Variants in MECR observed in about 807,000 individuals in gnomAD.
The protein encoded by MECR is enoyl-[acyl-carrier-protein] reductase, mitochondrial.
In MECR, 37 loss-of-function variants were observed where a neutral mutation model predicts 49.1. The observed-to-expected ratio is 0.75, with a 90% CI of 0.58 to 0.99. MECR has a LOEUF of 0.99. Among genes scored for constraint, MECR ranks in the 50% least tolerant of loss-of-function variants. The probability of loss-of-function intolerance (pLI) is 0.00; values close to 1 mark genes in which losing one functional copy is unlikely to be tolerated. For missense variants in MECR, 470 were observed against 479.6 expected (o/e 0.98, Z 0.19); for synonymous variants, 198 against 191.1 (o/e 1.04, Z -0.30).
chr1:29,178,095 T>G, the MECR span, among the ~76,000 whole-genome samples: 1 of 151,808 alleles, frequency 6.6e-6, no homozygotes, highest in Admixed American at 6.6e-5. Flanking sequence ...AGATGGGGTT[T>G]CACCATGTTG....
At position 29,209,519 on chromosome 1, in the gene MECR, G is replaced by A. The variant is rs960882741; in HGVS notation, c.407-2614C>T. On this transcript the variant is annotated intron_variant, in intron 3 of 9. Transcript: ENST00000263702. ...CAGCGTGGAAGCCAGAGGTCTTTGT[G>A]GGGGTCGAGGTATGAGATGATGGCT... 2.0e-5 allele frequency among the ~76,000 whole-genome samples: 3 copies of A among 152,286 alleles called. No homozygotes were observed. In the East Asian group the frequency reaches 5.8e-4, roughly 29 times the overall value.
intron 1 of MECR, among the ~76,000 whole-genome samples, chr1:29,229,430 C>T (rs1226634320): frequency 6.6e-6 from 1 of 152,170 alleles, no homozygotes. Context: ...GTCTAGAACT[C>T]GTGACCTCAG....
the MECR span, among the ~76,000 whole-genome samples, chr1:29,178,353 C>CTTCTTTCTTTTTTTTT: frequency 7.8e-6 from 1 of 127,888 alleles, no homozygotes; most frequent in Non-Finnish European, 1.6e-5. Flanking sequence ...GTTTCAATTA[C>CTTCTTTCTTTTTTTTT]TTTTTTTTTT....
At chr1:29,195,544 A>C (rs1362567887) in intron 9 of MECR, among the ~76,000 whole-genome samples, 3 of 152,230 alleles carry the variant, frequency 2.0e-5, no homozygotes, top group Non-Finnish European at 4.4e-5. Flanking sequence ...ACAAGAGTTT[A>C]AACTTAGGAC....
the MECR span, chr1:29,181,873 C>A: frequency 2.8e-6 from 2 of 708,184 alleles, no homozygotes; most frequent in African/African-American, 3.8e-5. Context: ...CGGACGCAGC[C>A]GAACCCCGGC....
intron 7 of MECR, 116 bp downstream of exon 7, chr1:29,200,400 T>C (rs886238940): frequency 2.2e-6 from 2 of 903,250 alleles, no homozygotes; most frequent in African/African-American, 1.7e-5. Context: ...CCACTCAACA[T>C]TGTGCTGACC....
At chr1:29,225,291 C>T (rs756193332) in intron 1 of MECR, among the ~76,000 whole-genome samples, 51 of 152,240 alleles carry the variant, frequency 3.3e-4, no homozygotes, top group Non-Finnish European at 5.4e-4. Flanking sequence ...GTTTTCTCTT[C>T]CCTCGGGGTC....
At chr1:29,168,008 A>AT in the MECR span, among the ~76,000 whole-genome samples, 1 of 129,538 alleles carries the variant, frequency 7.7e-6, no homozygotes, top group Admixed American at 8.9e-5. Flanking sequence ...CAAGGTTCTA[A>AT]TTCCTTTTTT....
intron 3 of MECR, 41 bp from the exon 4 acceptor site, chr1:29,206,946 C>T: frequency 1.9e-6 from 3 of 1,610,142 alleles, no homozygotes; most frequent in Non-Finnish European, 2.5e-6. Flanking sequence ...GGAAGGAGCC[C>T]TGTGCACATT....
chr1:29,169,467 C>A, the MECR span: 3 of 152,188 alleles, frequency 2.0e-5, no homozygotes, highest in Admixed American at 6.6e-5. Context: ...CAAGAAAACA[C>A]CATTTCTGCA....
At chr1:29,230,303 A>G (rs1313355034) in intron 1 of MECR, 2 of 180,006 alleles carry the variant, frequency 1.1e-5, no homozygotes, top group African/African-American at 4.8e-5. Context: ...TAATAGTAAG[A>G]ACTCACGCAG....
In MECR at chr1:29,206,877, G is replaced by A. The variant is rs761036816; in HGVS notation, c.435C>T (p.Ser145=). ...LGTWRTEAVF[S]EEALIQVPSD... The stretch of plus-strand genomic sequence containing the variant: ...TCGGAACTTGGATCAGTGCTTCCTC[G>A]CTGAACACAGCCTCGGTCCGCCAGG... The change falls in exon 4 of 10, where the codon AGC becomes AGT. Residue 145 remains serine, a synonymous_variant. Coordinates refer to ENST00000263702, the MANE Select transcript of MECR (RefSeq NM_016011.5). The A allele has an allele frequency of 4.3e-6, 7 of 1,613,988 alleles. No homozygotes were observed. The highest frequency in any genetic ancestry group is 2.2e-5 in the South Asian group (2 of 91,082).
chr1:29,202,539 T>C (rs942536150), intron 5 of MECR, among the ~76,000 whole-genome samples: 1 of 152,178 alleles, frequency 6.6e-6, no homozygotes, highest in African/African-American at 2.4e-5. Flanking sequence ...CACAGCCACA[T>C]TCATGGACAG....
rs1157173751 is a variant in MECR at position 29,216,673 on chromosome 1, C to T, written c.189G>A (p.Leu63=). ...DPAKVVELKN[L]ELAAVRGSDV... The stretch of plus-strand genomic sequence containing the variant: ...CTGATCCTCTCACAGCAGCTAGCTC[C>T]AGGTTCTTGAGTCTAAGCACAAAGC... Residue 63 remains leucine, a synonymous_variant, in exon 2 of 10, where the codon CTG becomes CTA. Coordinates refer to ENST00000263702, the MANE Select transcript of MECR (RefSeq NM_016011.5). The T allele has an allele frequency of 6.2e-7, 1 of 1,614,098 alleles. No individual in the cohort carries two copies. Among genetic ancestry groups the T allele is most frequent in the East Asian group, 2.2e-5 (1 of 44,898 alleles).
At chr1:29,195,872 G>C (rs2291611) in intron 9 of MECR, 69 bp downstream of exon 9, 1 of 1,503,092 alleles carries the variant, frequency 6.7e-7, no homozygotes, top group Non-Finnish European at 9.3e-7. Flanking sequence ...CAGAATAGCT[G>C]GTCATTTCTG....
chr1:29,228,670 TA>T (rs1682718138), intron 1 of MECR, among the ~76,000 whole-genome samples: 1 of 151,946 alleles, frequency 6.6e-6, no homozygotes, highest in Non-Finnish European at 1.5e-5. Flanking sequence ...CAGAAGGACA[TA>T]ATAGAAGCTT....
intron 7 of MECR, among the ~76,000 whole-genome samples, chr1:29,197,951 C>T (rs769593864): frequency 8.5e-5 from 13 of 152,228 alleles, no homozygotes; most frequent in South Asian, 4.1e-4. Flanking sequence ...TTTAGACCAG[C>T]GGTCCCTAAC....
chr1:29,191,020 C>G (rs1027030417), downstream of MECR, among the ~76,000 whole-genome samples: 1 of 152,136 alleles, frequency 6.6e-6, no homozygotes, highest in Non-Finnish European at 1.5e-5. Flanking sequence ...CTGTAACTGC[C>G]TAATCTGCTC....
chr1:29,202,022 T>A lies in MECR; in HGVS notation c.677A>T (p.Asp226Val), dbSNP rs763914832. Residue 226 changes from aspartate to valine, a missense_variant, in exon 6 of 10, where the codon GAC becomes GTC. Transcript: ENST00000263702. Reference sequence around the variant, plus strand: ...CTCAGCCCCCAGACTCTTCAGTCTGTCACTCAGCTTCTGGATATCAGGTCT... The same window carrying A: ...CTCAGCCCCCAGACTCTTCAGTCTGACACTCAGCTTCTGGATATCAGGTCT... The part of the protein sequence containing the change: ...RDRPDIQKLS[D>V]RLKSLGAEHV... 1.7e-5 allele frequency: 28 copies of A among 1,614,018 alleles called. No homozygotes were observed. The South Asian group carries it at 2.7e-4, about 16-fold the overall frequency.
Sources: allele counts gnomAD v4.1 joint callset (sites outside exome capture counted in the v4.1 genomes callset), GRCh38; gene constraint gnomAD v4.1.1; transcripts MANE v1.5; gene names NCBI Gene and HGNC (gene_info 2026-07-23, HGNC 2026-07-21).